LTBP2: variants seen among roughly 807,000 people sequenced by gnomAD.
The protein encoded by LTBP2 is latent transforming growth factor beta binding protein 2, also known as latent-transforming growth factor beta-binding protein 2.
Under a neutral mutation model 210.6 loss-of-function variants are expected in LTBP2, and 103 were observed. The ratio of observed to expected loss-of-function variants is 0.49; its 90% CI spans 0.42 to 0.58. The LOEUF (loss-of-function observed/expected upper bound fraction) is 0.58. LTBP2 is among the 20% of genes least tolerant of loss of function. The pLI is 0.00. For synonymous variants in LTBP2, 1,007 were observed against 1,015.0 expected (o/e 0.99, Z 0.15); for missense variants, 2,313 against 2,494.5 (o/e 0.93, Z 1.55).
At chr14:74,601,622 A>C (rs913519549) in intron 2 of LTBP2, among the ~76,000 whole-genome samples, 8 of 152,180 alleles carry the variant, frequency 5.3e-5, no homozygotes, top group African/African-American at 1.7e-4. Context: ...TGCATCTTCA[A>C]ACAGGCAGAG....
rs2086897957 is a variant in LTBP2, at chr14:74,500,618, G to C, written c.*266C>G. ...GCCATCCTTTGGTAAGCATCCCATA[G>C]CAAGGCCAGGAAAGGTGGTGGACAG... On this transcript the variant is annotated 3_prime_UTR_variant, in exon 36 of 36. Transcript: ENST00000261978. 1 of 554,384 alleles carries C rather than the reference G, an allele frequency of 1.8e-6. No homozygotes were observed. 34.3% of individuals were successfully genotyped at this position (554,384 alleles called of 1,614,324 possible). A position where few individuals can be genotyped will look rare whatever the true frequency, so the allele number is the denominator to read the frequency against.
chr14:74,514,884 G>C (rs563226961), intron 18 of LTBP2, among the ~76,000 whole-genome samples: 1 of 152,230 alleles, frequency 6.6e-6, no homozygotes, highest in Admixed American at 6.5e-5. Flanking sequence ...AGAAGTGTGC[G>C]GGCTACATCA....
At chr14:74,527,450 G>A in intron 12 of LTBP2, 84 bp from the exon 13 acceptor site, 1 of 1,465,240 alleles carries the variant, frequency 6.8e-7, no homozygotes, top group Non-Finnish European at 9.4e-7. Context: ...CGGCTTCACA[G>A]TCTGCGCCCC....
chr14:74,519,577 T>C (rs955023341), intron 17 of LTBP2, among the ~76,000 whole-genome samples: 36 of 151,966 alleles, frequency 2.4e-4, no homozygotes, highest in African/African-American at 8.2e-4. Flanking sequence ...ATCATTGAGG[T>C]AATGAGATAT....
Position 74,548,221 on chromosome 14 carries a change from T to C in LTBP2, c.1789+1642A>G, listed in dbSNP as rs993860303. Among the ~76,000 whole-genome samples the C allele has an allele frequency of 3.3e-5, 5 of 150,594 alleles. No homozygotes were observed. In the Admixed American group the frequency reaches 3.3e-4, roughly 10 times the overall value. On this transcript the variant is annotated intron_variant, in intron 8 of 35. Transcript: ENST00000261978. ...TCCTAGATTGGCATATTTATGAAGA[T>C]GATCTTGAACAAATGGAAGGGCAGG...
chr14:74,556,910 T>C (rs1177551210), intron 3 of LTBP2, among the ~76,000 whole-genome samples: 1 of 152,260 alleles, frequency 6.6e-6, no homozygotes, highest in Non-Finnish European at 1.5e-5. Context: ...GTTGTACTAT[T>C]CTATTTTATT....
At position 74,572,971 on chromosome 14, in the gene LTBP2, A is replaced by G. The variant is rs138521791; in HGVS notation, c.830+12883T>C. On this transcript the variant is annotated intron_variant, in intron 3 of 35. Transcript: ENST00000261978. ...GCTAGATGCTATGAACATAGCTACA[A>G]GCTTGAAATGTTTATTGTCACTAGT... is the stretch of plus-strand genomic sequence containing the variant. Among the ~76,000 whole-genome samples, 213 of 152,362 alleles carry G rather than the reference A, an allele frequency of 1.4e-3. 3 individuals are homozygous for G. The East Asian group carries it at 0.04, about 28-fold the overall frequency.
chr14:74,506,729 G>C lies in LTBP2; in HGVS notation c.4002C>G (p.Phe1334Leu). 1.2e-6 allele frequency: 2 copies of C among 1,613,882 alleles called. No homozygotes were observed. The highest frequency in any genetic ancestry group is 1.7e-6 in the Non-Finnish European group (2 of 1,180,034). The change falls in exon 27 of 36, where the codon TTC (phenylalanine) becomes TTG (leucine). Residue 1334 changes from phenylalanine to leucine, a missense_variant. By Grantham distance (22) the Phe-to-Leu change is conservative. Transcript: ENST00000261978. ...GSFRCLCDQG[F>L]EISPSGWDCV... Reference sequence around the variant, plus strand: ...AGTCCCAGCCTGAGGGAGAGATCTCGAAGCCCTGGTCACAGAGGCAGCGGA... The same window carrying C: ...AGTCCCAGCCTGAGGGAGAGATCTCCAAGCCCTGGTCACAGAGGCAGCGGA...
intron 3 of LTBP2, among the ~76,000 whole-genome samples, chr14:74,576,044 C>A (rs553702878): frequency 6.6e-6 from 1 of 152,262 alleles, no homozygotes; most frequent in African/African-American, 2.4e-5. Context: ...AGACTCTCAG[C>A]ACTCCTGAGG....
chr14:74,535,865 G>T, intron 9 of LTBP2, 61 bp downstream of exon 9: 1 of 1,457,018 alleles, frequency 6.9e-7, no homozygotes. Flanking sequence ...CACCCCTCCT[G>T]TCTGGTGCTG....
intron 3 of LTBP2, among the ~76,000 whole-genome samples, chr14:74,563,275 A>C (rs2087819319): frequency 6.6e-6 from 1 of 152,186 alleles, no homozygotes; most frequent in Admixed American, 6.5e-5. Flanking sequence ...GCAAAATCAC[A>C]CACACTGGAA....
At chr14:74,599,875 C>G (rs1438429568) in intron 2 of LTBP2, among the ~76,000 whole-genome samples, 1 of 152,256 alleles carries the variant, frequency 6.6e-6, no homozygotes, top group Non-Finnish European at 1.5e-5. Flanking sequence ...CTGAGTCTCC[C>G]TGTGGTTCTG....
At chr14:74,521,215 T>G (rs1052894531) in intron 17 of LTBP2, among the ~76,000 whole-genome samples, 1 of 152,204 alleles carries the variant, frequency 6.6e-6, no homozygotes, top group East Asian at 1.9e-4. Flanking sequence ...ACCAGCAATG[T>G]GAGCCCCAAG....
At chr14:74,507,394 T>G (rs2087005632) in intron 25 of LTBP2, 84 bp from the exon 26 acceptor site, 1 of 1,582,348 alleles carries the variant, frequency 6.3e-7, no homozygotes, top group African/African-American at 1.3e-5. Context: ...CCACAACCTC[T>G]GGGGTTCTTG....
intron 8 of LTBP2, among the ~76,000 whole-genome samples, chr14:74,543,391 A>AC (rs1185881642): frequency 1.3e-5 from 2 of 151,554 alleles, no homozygotes; most frequent in African/African-American, 4.8e-5. Context: ...AAAAAAAAAA[A>AC]AAAAAACAGT....
At chr14:74,510,327 C>T (rs1015688007) in intron 19 of LTBP2, 114 bp from the exon 20 acceptor site, 15 of 1,489,182 alleles carry the variant, frequency 1.0e-5, no homozygotes, top group Middle Eastern at 2.0e-4. Flanking sequence ...TCAGAGGGGC[C>T]GCAGGCCACC....
intron 9 of LTBP2, among the ~76,000 whole-genome samples, chr14:74,533,143 G>A (rs1401758689): frequency 6.6e-6 from 1 of 152,248 alleles, no homozygotes; most frequent in African/African-American, 2.4e-5. Flanking sequence ...GCCTTGCCAG[G>A]CCTCAAGCGC....
rs1219901601 is a variant in LTBP2 at position 74,504,763 on chromosome 14, G to A, written c.4453+15C>T. ...TCAGGTGAAGGAGTTTGGGGCAGAG[G>A]ATGGAGCAGATTACCTGTGTACATG... On this transcript the variant is annotated intron_variant, in intron 30 of 35. Coordinates refer to ENST00000261978, the MANE Select transcript of LTBP2 (RefSeq NM_000428.3). 1.5e-5 allele frequency: 24 copies of A among 1,613,354 alleles called. No homozygotes were observed. The South Asian group carries it at 2.4e-4, about 16-fold the overall frequency.
chr14:74,544,015 G>A (rs899851619), intron 8 of LTBP2, among the ~76,000 whole-genome samples: 1 of 152,226 alleles, frequency 6.6e-6, no homozygotes, highest in Non-Finnish European at 1.5e-5. Context: ...CCACATGTCA[G>A]TGACACCCAC....
Sources: gnomAD v4.1 joint callset for allele counts (sites outside exome capture counted in the v4.1 genomes callset) on GRCh38, gnomAD v4.1.1 for gene constraint, MANE v1.5 for transcripts, NCBI Gene and HGNC (gene_info 2026-07-23, HGNC 2026-07-21) for gene names.